The following SHISAL2A variants were observed in gnomAD, a reference collection of about 807,000 sequenced individuals.
The protein encoded by SHISAL2A is shisa like 2A, also known as protein shisa-like-2A.
A neutral mutation model predicts 11.5 loss-of-function variants in SHISAL2A; 18 were observed. The observed-to-expected ratio is 1.57, with a 90% CI of 1.08 to 2.33. The LOEUF (loss-of-function observed/expected upper bound fraction) is 2.33. Ranked by LOEUF, SHISAL2A falls within the 30% of genes most tolerant of loss-of-function variation. SHISAL2A has a pLI of 0.00. For missense variants in SHISAL2A, 261 were observed against 250.9 expected, an observed-to-expected ratio of 1.04 and a Z score of -0.27; for synonymous variants, 94 against 99.6, an observed-to-expected ratio of 0.94 and a Z score of 0.34.
In SHISAL2A at chr1:52,656,819, G is replaced by T. The variant is rs1691799704; in HGVS notation, c.352G>T (p.Gly118Cys). The change falls in exon 3 of 3, where the codon GGT becomes TGT. Residue 118 changes from glycine to cysteine, a missense_variant. Coordinates refer to ENST00000517870, the MANE Select transcript of SHISAL2A (RefSeq NM_001042693.3). ...TGAGGAGGTTTCTCCTGACTGCCAAGGTGTGAACACAGGCATGGCGGCAGA... is the reference window on the plus strand; with the variant it reads ...TGAGGAGGTTTCTCCTGACTGCCAATGTGTGAACACAGGCATGGCGGCAGA... ...GPEEVSPDCQ[G>C]VNTGMAAEVP... The T allele has an allele frequency of 5.0e-6, 8 of 1,613,512 alleles. No individual in the cohort carries two copies. The highest frequency in any genetic ancestry group is 1.3e-5 in the African/African-American group (1 of 74,912).
intron 5 of SHISAL2A, chr1:52,667,807 C>T (rs925181115): frequency 6.6e-6 from 1 of 152,204 alleles, no homozygotes; most frequent in African/African-American, 2.4e-5. Flanking sequence ...AGCCCCTTTG[C>T]ATCCTTTCTG....
At chr1:52,635,363 C>T (rs898568445) in intron 1 of SHISAL2A, among the ~76,000 whole-genome samples, 3 of 151,176 alleles carry the variant, frequency 2.0e-5, no homozygotes, top group Admixed American at 6.6e-5. Context: ...CCCCACCCCC[C>T]ACCCCACCAG....
chr1:52,651,350 C>T (rs1691642132), intron 2 of SHISAL2A, among the ~76,000 whole-genome samples: 1 of 151,506 alleles, frequency 6.6e-6, no homozygotes, highest in Non-Finnish European at 1.5e-5. Context: ...CAATTCTCTG[C>T]CTCAGCCTCC....
intron 2 of SHISAL2A, among the ~76,000 whole-genome samples, chr1:52,647,514 C>T (rs370986789): frequency 6.6e-6 from 1 of 151,968 alleles, no homozygotes; most frequent in South Asian, 2.1e-4. Flanking sequence ...GGAAAAGATG[C>T]TCAACATTAC....
At chr1:52,645,504 G>A (rs1691480069) in intron 2 of SHISAL2A, among the ~76,000 whole-genome samples, 1 of 151,904 alleles carries the variant, frequency 6.6e-6, no homozygotes, top group South Asian at 2.1e-4. Context: ...GCACTCCGGG[G>A]CTCAGGTGAT....
chr1:52,645,741 A>T (rs549979509), intron 2 of SHISAL2A, among the ~76,000 whole-genome samples: 29 of 152,372 alleles, frequency 1.9e-4, no homozygotes, highest in Non-Finnish European at 3.4e-4. Context: ...AATGAAAGAC[A>T]TAAAAGAACC....
chr1:52,655,452 CAAAAAAA>C (rs11346128), intron 2 of SHISAL2A, among the ~76,000 whole-genome samples: 1 of 40,130 alleles, frequency 2.5e-5, no homozygotes, highest in Non-Finnish European at 4.5e-5. Context: ...CCTGTATCTA[CAAAAAAA>C]AAAAAAAAAA....
intron 2 of SHISAL2A, among the ~76,000 whole-genome samples, chr1:52,648,712 G>T (rs1231958034): frequency 6.6e-6 from 1 of 152,164 alleles, no homozygotes; most frequent in Non-Finnish European, 1.5e-5. Context: ...TACATAGCTT[G>T]TGATTGTGGA....
Position 52,633,649 on chromosome 1 carries a change from C to T in SHISAL2A, c.156C>T (p.Tyr52=), listed in dbSNP as rs569850532. The change falls in exon 1 of 3, where the codon TAC becomes TAT. Residue 52 remains tyrosine (Y), a synonymous_variant. Coordinates refer to ENST00000517870, the MANE Select transcript of SHISAL2A (RefSeq NM_001042693.3). This position sits in a 1 kb window ranked among gnomAD's most constrained non-coding sequence, Gnocchi z 6.4. Reference sequence around the variant, plus strand: ...ACGACCCGCACAGCTTCTTCCCCTACGAGCACAGCTACATGTGGTGGCTCA... The same window carrying T: ...ACGACCCGCACAGCTTCTTCCCCTATGAGCACAGCTACATGTGGTGGCTCA... The part of the protein sequence containing the change: ...CCDDPHSFFP[Y]EHSYMWWLSI... The T allele has an allele frequency of 2.5e-6, 4 of 1,613,272 alleles. No individual in the cohort carries two copies. The highest frequency in any genetic ancestry group is 1.1e-5 in the South Asian group (1 of 91,012).
downstream of SHISAL2A, among the ~76,000 whole-genome samples, chr1:52,657,880 G>A (rs1186842137): frequency 1.3e-5 from 2 of 152,078 alleles, no homozygotes; most frequent in Non-Finnish European, 2.9e-5. Flanking sequence ...ATGAATGAAT[G>A]GTTATCAGAC....
chr1:52,667,926 A>G (rs1171067612), intron 5 of SHISAL2A, among the ~76,000 whole-genome samples: 4 of 152,126 alleles, frequency 2.6e-5, no homozygotes, highest in Admixed American at 2.0e-4. Context: ...CTTGCCACCC[A>G]GTTTAGTAAG....
At chr1:52,659,902 G>C (rs886256503), downstream of SHISAL2A, among the ~76,000 whole-genome samples, 3 of 152,294 alleles carry the variant, frequency 2.0e-5, no homozygotes, top group African/African-American at 7.2e-5. Context: ...CAGTCAGAAG[G>C]GGGAGATGCT....
chr1:52,652,554 T>C (rs1277169570), intron 2 of SHISAL2A, among the ~76,000 whole-genome samples: 1 of 152,162 alleles, frequency 6.6e-6, no homozygotes, highest in East Asian at 1.9e-4. Context: ...GGGATTCTTG[T>C]ATTGAAGAGA....
downstream of SHISAL2A, among the ~76,000 whole-genome samples, chr1:52,657,436 C>T (rs1691814583): frequency 6.6e-6 from 1 of 152,164 alleles, no homozygotes; most frequent in Admixed American, 6.6e-5. Flanking sequence ...CTCTGCCTCA[C>T]CCTGGAGTGC....
chr1:52,666,011 C>T (rs990634773), intron 4 of SHISAL2A, among the ~76,000 whole-genome samples: 44 of 152,236 alleles, frequency 2.9e-4, no homozygotes, highest in Non-Finnish European at 4.6e-4. Context: ...CCACTATTTA[C>T]AGGGTTACCT....
intron 4 of SHISAL2A, among the ~76,000 whole-genome samples, chr1:52,663,761 A>C (rs1401833549): frequency 6.6e-6 from 1 of 150,414 alleles, no homozygotes; most frequent in Non-Finnish European, 1.5e-5. Flanking sequence ...AACTGCGTCT[A>C]AAAAAAAAGA....
rs545897264 is a variant in SHISAL2A at position 52,651,174 on chromosome 1, T to A, written c.323-5616T>A. On this transcript the variant is annotated intron_variant, in intron 2 of 2. Coordinates refer to ENST00000517870, the MANE Select transcript of SHISAL2A (RefSeq NM_001042693.3). ...AGGTTCCCAACTTTGGTTTCCAATT[T>A]CCTGAGGGTCCCCAAACATAGCAGT... 1.2e-4 allele frequency among the ~76,000 whole-genome samples: 19 copies of A among 152,146 alleles called. No individual in the cohort carries two copies. In the South Asian group the frequency reaches 3.9e-3, roughly 32 times the overall value.
In SHISAL2A at chr1:52,655,734, G is replaced by A. The variant is rs1361760236; in HGVS notation, c.323-1056G>A. Among the ~76,000 whole-genome samples, 8 of 152,248 alleles carry A rather than the reference G, an allele frequency of 5.3e-5. No homozygotes were observed. The East Asian group carries it at 7.7e-4, about 15-fold the overall frequency. On this transcript the variant is annotated intron_variant, in intron 2 of 2. Coordinates refer to ENST00000517870, the MANE Select transcript of SHISAL2A (RefSeq NM_001042693.3). ...GAAATGCAGATTAAAGCCACAATGA[G>A]ATGCCATCTCAAGGAGCACAGGTAA...
chr1:52,653,351 C>T (rs1326920956), intron 2 of SHISAL2A, among the ~76,000 whole-genome samples: 1 of 144,672 alleles, frequency 6.9e-6, no homozygotes, highest in African/African-American at 2.6e-5. Context: ...GTCCCAGCTA[C>T]TGGGAGGCTG....
Sources: allele counts gnomAD v4.1 joint callset (sites outside exome capture counted in the v4.1 genomes callset), GRCh38; gene constraint gnomAD v4.1.1; non-coding constraint Gnocchi (gnomAD v3.1); transcripts MANE v1.5; gene names NCBI Gene and HGNC (gene_info 2026-07-23, HGNC 2026-07-21).